NFKBIZ: variants seen among roughly 807,000 people sequenced by gnomAD.
NFKBIZ encodes NF-kappa-B inhibitor zeta.
A neutral mutation model predicts 76.8 loss-of-function variants in NFKBIZ; 19 were observed. That is an observed-to-expected ratio of 0.25 (90% CI 0.17 to 0.36). The LOEUF (loss-of-function observed/expected upper bound fraction) is 0.36, where lower values mean the gene tolerates loss of function less well. Among genes scored for constraint, NFKBIZ ranks in the 10% least tolerant of loss-of-function variants. The probability of loss-of-function intolerance (pLI) is 1.00; values close to 1 mark genes in which losing one functional copy is unlikely to be tolerated. For missense variants in NFKBIZ, 829 were observed against 910.9 expected (o/e 0.91, Z 1.16); for synonymous variants, 368 against 354.8 (o/e 1.04, Z -0.42).
intron 1 of NFKBIZ, 98 bp from the exon 2 acceptor site, chr3:101,851,984 GGGA>G: frequency 7.1e-7 from 1 of 1,407,646 alleles, no homozygotes; most frequent in Non-Finnish European, 9.6e-7. Context: ...GTGCTGCTTG[GGGA>G]CTTTATACAT....
At chr3:101,854,714 AAG>A in intron 6 of NFKBIZ, 31 bp downstream of exon 6, 1 of 1,474,590 alleles carries the variant, frequency 6.8e-7, no homozygotes. Flanking sequence ...TGAAATGGCA[AAG>A]AGGGGGTCAT....
chr3:101,850,848 A>C (rs527940337), intron 1 of NFKBIZ, among the ~76,000 whole-genome samples: 3 of 152,360 alleles, frequency 2.0e-5, no homozygotes, highest in African/African-American at 7.2e-5. Flanking sequence ...TGCGTAGCAG[A>C]TCCAGAAAGA....
chr3:101,833,594 A>G (rs1942676163), intron 2 of NFKBIZ, among the ~76,000 whole-genome samples: 2 of 152,334 alleles, frequency 1.3e-5, no homozygotes, highest in South Asian at 4.1e-4. Context: ...GAAAGTGATC[A>G]CTGGGCAAGG....
At chr3:101,857,047 T>C in intron 9 of NFKBIZ, 26 bp from the exon 10 acceptor site, 1 of 1,512,944 alleles carries the variant, frequency 6.6e-7, no homozygotes, top group South Asian at 1.2e-5. Flanking sequence ...TTTTTTTTTT[T>C]TTTCCTCCCT....
In NFKBIZ at chr3:101,842,105, G is replaced by C. The variant is rs142803868; in HGVS notation, c.-11-9980G>C. On this transcript the variant is annotated intron_variant, in intron 2 of 12. Transcript: ENST00000394054. Reference sequence around the variant, plus strand: ...TGATAGAAGTCTGTGTGGGGACTGAGAGGAAAGGCCCTTAGTCCAGAAGTG... The same window carrying C: ...TGATAGAAGTCTGTGTGGGGACTGACAGGAAAGGCCCTTAGTCCAGAAGTG... 7.8e-3 allele frequency among the ~76,000 whole-genome samples: 1,193 copies of C among 152,290 alleles called. 10 individuals are homozygous for C. The highest frequency in any genetic ancestry group is 0.027 in the Middle Eastern group (8 of 294).
rs570266865 is a variant in NFKBIZ, at chr3:101,836,198, T to A, written c.-12+6510T>A. ...ATGGAATTAGAACTCAGAGAAAAGG[T>A]CAGAGCTAGTAATAGGAATCAACTC... On this transcript the variant is annotated intron_variant, in intron 2 of 12. Transcript: ENST00000394054. Among the ~76,000 whole-genome samples, 51 of 152,264 alleles carry A rather than the reference T, an allele frequency of 3.3e-4. 1 individual carries two copies. The South Asian group carries it at 0.01, about 31-fold the overall frequency.
At chr3:101,856,553 T>C (rs1560089662) in intron 9 of NFKBIZ, 1 of 152,792 alleles carries the variant, frequency 6.5e-6, no homozygotes, top group East Asian at 1.9e-4. Context: ...TCTTCATTGT[T>C]GTAGGATGTG....
chr3:101,855,258 A>T (rs1162937116), intron 7 of NFKBIZ, 50 bp downstream of exon 7: 1 of 1,600,470 alleles, frequency 6.2e-7, no homozygotes, highest in South Asian at 1.1e-5. Flanking sequence ...AGAGAGATAG[A>T]GTTGGATATT....
In NFKBIZ at chr3:101,859,407, TGTCAGTTA is replaced by T; in HGVS notation, c.*38_*45del. ...TTGGAGCCTGGCTAGCAACACTCAC[TGTCAGTTA>T]GGCAGTCCTGATGTATCTGTACATA... is the stretch of plus-strand genomic sequence containing the variant. On this transcript the variant is annotated 3_prime_UTR_variant, in exon 12 of 12. Transcript: ENST00000326172. 6.3e-7 allele frequency: 1 copy of T among 1,579,718 alleles called. No individual in the cohort carries two copies. The highest frequency in any genetic ancestry group is 8.7e-7 in the Non-Finnish European group (1 of 1,148,794).
intron 1 of NFKBIZ, among the ~76,000 whole-genome samples, chr3:101,851,663 G>A (rs1942966851): frequency 6.6e-6 from 1 of 152,182 alleles, no homozygotes; most frequent in African/African-American, 2.4e-5. Context: ...GCTCCCCAAA[G>A]TTTTTCCAAA....
chr3:101,854,986 C>A, intron 6 of NFKBIZ, 76 bp from the exon 7 acceptor site: 1 of 1,450,486 alleles, frequency 6.9e-7, no homozygotes. Context: ...TTCCCTCAGT[C>A]ATAGTTTAGT....
Position 101,857,032 on chromosome 3 carries a change from G to T in NFKBIZ, c.1825-41G>T, listed in dbSNP as rs777863165. 8.2e-6 allele frequency: 11 copies of T among 1,335,484 alleles called. No homozygotes were observed. In the Admixed American group the frequency reaches 1.5e-4, roughly 18 times the overall value. The allele number at this position is 1,335,484 out of a possible 1,614,324, so 82.7% of individuals were successfully genotyped here. ...AGTGTATTCTGAGGCATAGTATCTGGATTTTTTTTTTTTTTTTTCCTCCCT... is the reference window on the plus strand; with the variant it reads ...AGTGTATTCTGAGGCATAGTATCTGTATTTTTTTTTTTTTTTTTCCTCCCT... On this transcript the variant is annotated intron_variant, in intron 9 of 11. Transcript: ENST00000326172.
chr3:101,854,567 A>AT lies in NFKBIZ; in HGVS notation c.1338-10dup, dbSNP rs774285964. ...AAGTGATTCACCCGCTTTCCTTTCCATGTTCCCCAGGTTCCTTCATATTGC... is the reference window on the plus strand; with the variant it reads ...AAGTGATTCACCCGCTTTCCTTTCCATTGTTCCCCAGGTTCCTTCATATTGC... On this transcript the variant is annotated splice_polypyrimidine_tract_variant and intron_variant, in intron 5 of 11. Coordinates refer to ENST00000326172, the MANE Select transcript of NFKBIZ (RefSeq NM_031419.4). 1.4e-4 allele frequency: 216 copies of AT among 1,570,626 alleles called. No homozygotes were observed. The highest frequency in any genetic ancestry group is 1.8e-4 in the Non-Finnish European group (209 of 1,144,932).
chr3:101,855,293 T>C (rs1434006627), intron 7 of NFKBIZ, 85 bp downstream of exon 7: 5 of 1,603,216 alleles, frequency 3.1e-6, no homozygotes, highest in African/African-American at 1.3e-5. Context: ...GGTTGCCTGT[T>C]GCAATGATCT....
At chr3:101,847,364 T>G (rs1942866985), upstream of NFKBIZ, among the ~76,000 whole-genome samples, 1 of 152,276 alleles carries the variant, frequency 6.6e-6, no homozygotes, top group African/African-American at 2.4e-5. Flanking sequence ...CTTTTTTATT[T>G]TTTAAAGTTA....
Position 101,853,006 on chromosome 3 carries a change from T to C in NFKBIZ, c.564+17T>C, listed in dbSNP as rs1270109197. 3.7e-6 allele frequency: 6 copies of C among 1,613,818 alleles called. No homozygotes were observed. The highest frequency in any genetic ancestry group is 5.1e-6 in the Non-Finnish European group (6 of 1,179,886). On this transcript the variant is annotated intron_variant, in intron 4 of 11. Coordinates refer to ENST00000326172, the MANE Select transcript of NFKBIZ (RefSeq NM_031419.4). ...CAATTTTTGGTAAGTATCTCACCAT[T>C]TTCCTCTGACTATCCTTTGGAAATT...
intron 11 of NFKBIZ, among the ~76,000 whole-genome samples, chr3:101,859,109 T>A (rs954994108): frequency 1.4e-5 from 2 of 143,222 alleles, no homozygotes; most frequent in Non-Finnish European, 3.1e-5. Flanking sequence ...CAAAGATTAT[T>A]ATAAGAGATC....
intron 2 of NFKBIZ, among the ~76,000 whole-genome samples, chr3:101,831,912 T>TC (rs1303452954): frequency 2.0e-5 from 3 of 152,108 alleles, no homozygotes; most frequent in African/African-American, 7.2e-5. Context: ...AGTTTTGCTT[T>TC]TTTTTTGAGA....
At chr3:101,850,159 C>G (rs1004068524) in intron 1 of NFKBIZ, 5 of 396,742 alleles carry the variant, frequency 1.3e-5, no homozygotes, top group Non-Finnish European at 2.2e-5. Flanking sequence ...AGAAACCGCT[C>G]GGCCGAGCTC....
Sources: allele counts gnomAD v4.1 joint callset (sites outside exome capture counted in the v4.1 genomes callset), GRCh38; gene constraint gnomAD v4.1.1; transcripts MANE v1.5; gene names NCBI Gene and HGNC (gene_info 2026-07-23, HGNC 2026-07-21).